The following NDUFB1 variants were observed in gnomAD, a reference collection of about 807,000 sequenced individuals.
The protein encoded by NDUFB1 is NADH:ubiquinone oxidoreductase subunit B1.
NDUFB1 carries 6 observed loss-of-function variants against 6.7 expected under a neutral mutation model. That is an observed-to-expected ratio of 0.89 (90% CI 0.49 to 1.76). The LOEUF is 1.76. Ranked by LOEUF, NDUFB1 falls within the 40% of genes most tolerant of loss-of-function variation. The pLI, the probability that NDUFB1 is intolerant of heterozygous loss-of-function variation, is 0.01. For synonymous variants in NDUFB1, 17 were observed against 22.9 expected, an observed-to-expected ratio of 0.74 and a Z score of 0.74; for missense variants, 56 against 71.0, an observed-to-expected ratio of 0.79 and a Z score of 0.76.
At position 92,117,755 on chromosome 14, in the gene NDUFB1, T is replaced by C. The variant is rs554770892; in HGVS notation, c.-5-113A>G. ...GTTCATGCCTGTAATCCTAGCACTT[T>C]GGGATGCTGAGGTGGGCAGATCACT... On this transcript the variant is annotated intron_variant, in intron 1 of 2. Transcript: ENST00000605997. The C allele has an allele frequency of 6.5e-6, 7 of 1,075,434 alleles. No homozygotes were observed. In the African/African-American group the frequency reaches 8.0e-5, roughly 12 times the overall value. The allele number at this position is 1,075,434 out of a possible 1,614,324, so 66.6% of individuals were successfully genotyped here. A position where few individuals can be genotyped will look rare whatever the true frequency, so the allele number is the denominator to read the frequency against.
chr14:92,116,308 G>C, intron 2 of NDUFB1, 79 bp from the exon 3 acceptor site: 8 of 894,778 alleles, frequency 8.9e-6, no homozygotes, highest in African/African-American at 1.8e-5. Context: ...GAAGTCAGAA[G>C]AATGATTGCA....
intron 1 of NDUFB1, chr14:92,118,988 G>GAAAAAA: frequency 2.9e-6 from 1 of 347,552 alleles, no homozygotes; most frequent in South Asian, 2.2e-5. Context: ...AAAAAAGAAA[G>GAAAAAA]AAAAAAAAAG....
At chr14:92,119,231 G>A (rs908154311) in intron 1 of NDUFB1, among the ~76,000 whole-genome samples, 1 of 142,038 alleles carries the variant, frequency 7.0e-6, no homozygotes, top group East Asian at 2.2e-4. Flanking sequence ...AGGATTGCTT[G>A]AGCCCAAGAG....
At chr14:92,121,026 G>A (rs916562766) in intron 1 of NDUFB1, among the ~76,000 whole-genome samples, 175 of 152,178 alleles carry the variant, frequency 1.1e-3, no homozygotes, top group Non-Finnish European at 1.9e-3. Context: ...GCCGGGTGTG[G>A]TGGCGGGCGC....
chr14:92,121,532 C>T, intron 1 of NDUFB1, 110 bp downstream of exon 1: 1 of 1,502,592 alleles, frequency 6.7e-7, no homozygotes, highest in South Asian at 1.1e-5. Context: ...CCCGGGGAAG[C>T]CCAGACCACC....
intron 1 of NDUFB1, 71 bp from the exon 2 acceptor site, chr14:92,117,713 C>A: frequency 6.7e-7 from 1 of 1,490,448 alleles, no homozygotes; most frequent in Non-Finnish European, 9.2e-7. Flanking sequence ...TAAATTGCAT[C>A]TGGGCCAGGT....
At position 92,116,126 on chromosome 14, in the gene NDUFB1, C is replaced by A. The variant is rs1198762203; in HGVS notation, c.*67G>T. The A allele has an allele frequency of 7.0e-7, 1 of 1,427,430 alleles. No individual in the cohort carries two copies. The highest frequency in any genetic ancestry group is 1.4e-5 in the African/African-American group (1 of 71,016). The allele number at this position is 1,427,430 out of a possible 1,614,324, so 88.4% of individuals were successfully genotyped here. The stretch of plus-strand genomic sequence containing the variant: ...CCTTTGTATGAAAAGAAAGACATTT[C>A]AGATTCTTCATGTTTTTATTTCTCT... On this transcript the variant is annotated 3_prime_UTR_variant, in exon 3 of 3. Transcript: ENST00000605997.
At chr14:92,121,228 G>A (rs928533034) in intron 1 of NDUFB1, 3 of 261,652 alleles carry the variant, frequency 1.1e-5, no homozygotes, top group African/African-American at 6.7e-5. Context: ...GGCTCAAGAG[G>A]ATTTGCGATT....
Position 92,117,509 on chromosome 14 carries a change from CAT to C in NDUFB1, c.127_128del (p.Met43ValfsTer3). On this transcript the variant is annotated frameshift_variant, in exon 2 of 3. Transcript: ENST00000605997. LOFTEE classifies it high-confidence loss of function. ...AAATGCAGACTAACCTTTTAAATAA[CAT>C]ACTCTTGTTCCGGAAGGCAGTTAGC... ...ERLTAFRNKS[M>X]LFKRELQPSE... The C allele has an allele frequency of 6.2e-7, 1 of 1,612,614 alleles. No homozygotes were observed. Among genetic ancestry groups the C allele is most frequent in the East Asian group, 2.2e-5 (1 of 44,878 alleles).
intron 2 of NDUFB1, 78 bp downstream of exon 2, chr14:92,117,420 C>T (rs2141437665): frequency 6.8e-7 from 1 of 1,466,006 alleles, no homozygotes; most frequent in East Asian, 2.3e-5. Flanking sequence ...ATTACCCCTT[C>T]TGTTTATTTT....
At chr14:92,119,227 G>A (rs2068736498) in intron 1 of NDUFB1, among the ~76,000 whole-genome samples, 1 of 143,120 alleles carries the variant, frequency 7.0e-6, no homozygotes, top group African/African-American at 2.7e-5. Context: ...TGGGAGGATT[G>A]CTTGAGCCCA....
At position 92,117,719 on chromosome 14, in the gene NDUFB1, C is replaced by A; in HGVS notation, c.-5-77G>T. 3.5e-6 allele frequency: 5 copies of A among 1,446,520 alleles called. No homozygotes were observed. The South Asian group carries it at 6.2e-5, about 18-fold the overall frequency. 89.6% of individuals were successfully genotyped at this position (1,446,520 alleles called of 1,614,324 possible). On this transcript the variant is annotated intron_variant, in intron 1 of 2. Transcript: ENST00000605997. The stretch of plus-strand genomic sequence containing the variant: ...AATAGCTTTTAAATTGCATCTGGGC[C>A]AGGTGCGGTGGTTCATGCCTGTAAT...
rs779651286 is a variant in NDUFB1 at position 92,117,545 on chromosome 14, ACT to A, written c.91_92del (p.Ser31Ter). 13 of 1,613,570 alleles carry A rather than the reference ACT, an allele frequency of 8.1e-6. No individual in the cohort carries two copies. The South Asian group carries it at 1.4e-4, about 18-fold the overall frequency. Reference protein sequence around the residue: ...FVIGCYLDRKSDERLTAFRNK... With the variant: ...FVIGCYLDRKXDERLTAFRNK... ...TCCGGAAGGCAGTTAGCCGTTCATC[ACT>A]CTTTCTGTCTAAATAACATCCAATG... is the stretch of plus-strand genomic sequence containing the variant. On this transcript the variant is annotated frameshift_variant, in exon 2 of 3. Coordinates refer to ENST00000605997, the MANE Select transcript of NDUFB1 (RefSeq NM_004545.4). LOFTEE classifies it high-confidence loss of function.
At chr14:92,119,438 G>A (rs1309946874) in intron 1 of NDUFB1, among the ~76,000 whole-genome samples, 1 of 152,082 alleles carries the variant, frequency 6.6e-6, no homozygotes, top group Non-Finnish European at 1.5e-5. Flanking sequence ...TAGCTATTAA[G>A]TACAGAGCTG....
rs1448201010 is a variant in NDUFB1, at chr14:92,118,993, A to AAC, written c.-5-1352_-5-1351insGT. On this transcript the variant is annotated intron_variant, in intron 1 of 2. Coordinates refer to ENST00000605997, the MANE Select transcript of NDUFB1 (RefSeq NM_004545.4). ...TGTCTCAGAAAAAAAAGAAAGAAAA[A>AAC]AAAAGGCAAAGGGAGAAGAAAATTT... 169 of 381,272 alleles carry AAC rather than the reference A, an allele frequency of 4.4e-4. 1 individual carries two copies. Among genetic ancestry groups the AAC allele is most frequent in the African/African-American group, 3.6e-3 (165 of 46,094 alleles). 23.6% of individuals were successfully genotyped at this position (381,272 alleles called of 1,614,324 possible).
At chr14:92,121,311 G>A (rs1211998750) in intron 1 of NDUFB1, 2 of 452,330 alleles carry the variant, frequency 4.4e-6, no homozygotes, top group East Asian at 4.3e-5. Flanking sequence ...GCGGAGGGGA[G>A]GCAGCGTCTT....
At chr14:92,121,304 GA>G in intron 1 of NDUFB1, 1 of 440,100 alleles carries the variant, frequency 2.3e-6, no homozygotes, top group Admixed American at 3.6e-5. Flanking sequence ...GCTGCTCGCG[GA>G]GGGGAGGCAG....
chr14:92,119,082 C>A, intron 1 of NDUFB1: 1 of 196,538 alleles, frequency 5.1e-6, no homozygotes, highest in South Asian at 5.9e-5. Context: ...GAGACTAAGG[C>A]GGATGGATCG....
chr14:92,117,982 A>T (rs2068728530), intron 1 of NDUFB1: 3 of 276,476 alleles, frequency 1.1e-5, no homozygotes, highest in South Asian at 7.9e-5. Context: ...TGGGCGACAG[A>T]GCAAGACTCC....
Sources: allele counts gnomAD v4.1 joint callset (sites outside exome capture counted in the v4.1 genomes callset), GRCh38; gene constraint gnomAD v4.1.1; transcripts MANE v1.5; gene names NCBI Gene and HGNC (gene_info 2026-07-23, HGNC 2026-07-21).